Variants in PLCD4 observed in about 807,000 individuals in gnomAD.
The protein encoded by PLCD4 is 1-phosphatidylinositol 4,5-bisphosphate phosphodiesterase delta-4.
PLCD4 carries 63 observed loss-of-function variants against 90.2 expected under a neutral mutation model. That is an observed-to-expected ratio of 0.70 (90% confidence interval 0.57 to 0.86). PLCD4 has a LOEUF of 0.86. PLCD4 is among the 40% of genes least tolerant of loss of function. The pLI is 0.00. For synonymous variants in PLCD4, 294 were observed against 356.5 expected, an observed-to-expected ratio of 0.82 and a Z score of 1.97; for missense variants, 830 against 956.3, an observed-to-expected ratio of 0.87 and a Z score of 1.74.
chr2:218,622,542 C>T, intron 5 of PLCD4, 105 bp from the exon 6 acceptor site: 1 of 633,598 alleles, frequency 1.6e-6, no homozygotes, highest in Non-Finnish European at 2.6e-6. Flanking sequence ...TAAATATATA[C>T]ACCTACTATG....
At chr2:218,609,838 A>T (rs1293842124) in intron 1 of PLCD4, 1 of 152,270 alleles carries the variant, frequency 6.6e-6, no homozygotes, top group African/African-American at 2.4e-5. Flanking sequence ...CTCAAAGGAG[A>T]TGAGACTCAG....
At chr2:218,630,223 A>G (rs1696300053) in intron 8 of PLCD4, among the ~76,000 whole-genome samples, 1 of 152,226 alleles carries the variant, frequency 6.6e-6, no homozygotes, top group Non-Finnish European at 1.5e-5. Context: ...AACAAGTTCT[A>G]TCACCCTTCT....
chr2:218,618,864 C>G (rs1414361774), intron 4 of PLCD4, 57 bp downstream of exon 4: 9 of 1,487,436 alleles, frequency 6.1e-6, no homozygotes, highest in Non-Finnish European at 8.2e-6. Flanking sequence ...CCTGAAGGAG[C>G]CAGATGCAAC....
At position 218,625,130 on chromosome 2, in the gene PLCD4, AAAGAAAGAAAGAAAG is replaced by A. The variant is rs1483848208; in HGVS notation, c.772+2255_772+2269del. Among the ~76,000 whole-genome samples, 97 of 148,448 alleles carry A rather than the reference AAAGAAAGAAAGAAAG, an allele frequency of 6.5e-4. 1 individual carries two copies. The Middle Eastern group carries it at 0.014, about 21-fold the overall frequency. On this transcript the variant is annotated intron_variant, in intron 6 of 15. Transcript: ENST00000450993. Reference sequence around the variant, plus strand: ...ACTCTGTTTCAAAAAAAAAAAAAAAAAAGAAAGAAAGAAAGAAAAAAGAAATAGGATCTTTTGTTA... The same window carrying A: ...ACTCTGTTTCAAAAAAAAAAAAAAAAAAAAAAGAAATAGGATCTTTTGTTA...
intron 3 of PLCD4, among the ~76,000 whole-genome samples, chr2:218,618,365 C>T (rs563304261): frequency 9.2e-5 from 14 of 152,330 alleles, no homozygotes; most frequent in Non-Finnish European, 1.6e-4. Flanking sequence ...GGCCCTTTGC[C>T]ATGCTGCCTT....
At chr2:218,610,797 G>A (rs753322805) in intron 1 of PLCD4, among the ~76,000 whole-genome samples, 10 of 151,776 alleles carry the variant, frequency 6.6e-5, no homozygotes, top group Non-Finnish European at 1.0e-4. Context: ...GCGCCATCTC[G>A]GCTCACTGCA....
At position 218,616,045 on chromosome 2, in the gene PLCD4, G is replaced by T. The variant is rs1263164977; in HGVS notation, c.164G>T (p.Gly55Val). Residue 55 changes from glycine to valine, a missense_variant, in exon 3 of 16, where the codon GGC becomes GTC. Coordinates refer to ENST00000450993, the MANE Select transcript of PLCD4 (RefSeq NM_032726.4). ...GTCTGGCATGCACGGCAGGCCAGGGGCAGTGCCAAGCCCAGCTGTGAGTGA... is the reference window on the plus strand; with the variant it reads ...GTCTGGCATGCACGGCAGGCCAGGGTCAGTGCCAAGCCCAGCTGTGAGTGA... ...MTVWHARQAR[G>V]SAKPSFSISD... The T allele has an allele frequency of 6.2e-7, 1 of 1,613,454 alleles. No homozygotes were observed. Among genetic ancestry groups the T allele is most frequent in the Non-Finnish European group, 8.5e-7 (1 of 1,179,752 alleles).
chr2:218,633,838 C>T (rs1559277528), intron 11 of PLCD4, 77 bp downstream of exon 11: 4 of 1,528,660 alleles, frequency 2.6e-6, no homozygotes, highest in Non-Finnish European at 3.6e-6. Context: ...AGGTAAGTCC[C>T]AAGAAAAAAG....
chr2:218,621,057 G>T (rs1695852995), intron 4 of PLCD4, among the ~76,000 whole-genome samples: 1 of 152,232 alleles, frequency 6.6e-6, no homozygotes, highest in South Asian at 2.1e-4. Context: ...AGCCTCCCTA[G>T]TAGCTGGAAC....
At chr2:218,623,190 G>A (rs1008827562) in intron 6 of PLCD4, among the ~76,000 whole-genome samples, 12 of 152,066 alleles carry the variant, frequency 7.9e-5, no homozygotes, top group Non-Finnish European at 1.2e-4. Flanking sequence ...CTTTGCCCTC[G>A]CTGGAAACGG....
intron 3 of PLCD4, among the ~76,000 whole-genome samples, chr2:218,616,954 A>ATT (rs1321849848): frequency 1.2e-5 from 1 of 82,078 alleles, no homozygotes; most frequent in African/African-American, 4.9e-5. Flanking sequence ...AGAGAGAGAG[A>ATT]GAGAGAGAGA....
In PLCD4 at chr2:218,636,591, C is replaced by T. The variant is rs150976760; in HGVS notation, c.*14C>T. 5.0e-3 allele frequency: 8,058 copies of T among 1,611,804 alleles called. 63 individuals carry two copies. The highest frequency in any genetic ancestry group is 0.022 in the South Asian group (1,986 of 90,980). On this transcript the variant is annotated 3_prime_UTR_variant, in exon 16 of 16. Coordinates refer to ENST00000450993, the MANE Select transcript of PLCD4 (RefSeq NM_032726.4). ...GATGAGTCCTGAGGTGGGCATTTCACGGGAAGGGTTGGTGTGCTGGCTTTA... is the reference window on the plus strand; with the variant it reads ...GATGAGTCCTGAGGTGGGCATTTCATGGGAAGGGTTGGTGTGCTGGCTTTA...
At chr2:218,628,973 T>A (rs1327485901) in intron 7 of PLCD4, 1 of 154,270 alleles carries the variant, frequency 6.5e-6, no homozygotes, top group African/African-American at 2.4e-5. Flanking sequence ...TCCAGCACTT[T>A]GGGAGGCCGA....
chr2:218,616,071 C>A lies in PLCD4; in HGVS notation c.181+9C>A. 6.2e-7 allele frequency: 1 copy of A among 1,612,572 alleles called. No homozygotes were observed. The highest frequency in any genetic ancestry group is 8.5e-7 in the Non-Finnish European group (1 of 1,179,242). On this transcript the variant is annotated intron_variant, in intron 3 of 15. Coordinates refer to ENST00000450993, the MANE Select transcript of PLCD4 (RefSeq NM_032726.4). ...CAGTGCCAAGCCCAGCTGTGAGTGA[C>A]CTGGATAGTGGGGGGTGGATACATG... is the stretch of plus-strand genomic sequence containing the variant.
At chr2:218,625,114 C>CA (rs11325307) in intron 6 of PLCD4, among the ~76,000 whole-genome samples, 2,481 of 61,738 alleles carry the variant, frequency 0.04, 208 homozygotes, top group African/African-American at 0.13. Flanking sequence ...GACTCTGTTT[C>CA]AAAAAAAAAA....
chr2:218,633,113 T>G (rs543526829), intron 10 of PLCD4: 1 of 429,306 alleles, frequency 2.3e-6, no homozygotes, highest in African/African-American at 2.0e-5. Context: ...TCCAAAGATA[T>G]TACTCTGGGA....
At chr2:218,617,646 C>A (rs1695680164) in intron 3 of PLCD4, among the ~76,000 whole-genome samples, 1 of 151,902 alleles carries the variant, frequency 6.6e-6, no homozygotes, top group Non-Finnish European at 1.5e-5. Context: ...TTTATGATAA[C>A]AAGACATAAT....
chr2:218,632,571 C>T (rs999869278), intron 10 of PLCD4, among the ~76,000 whole-genome samples: 4 of 151,952 alleles, frequency 2.6e-5, no homozygotes, highest in African/African-American at 4.8e-5. Flanking sequence ...AATAGATAAA[C>T]GCAGAACCAT....
chr2:218,616,750 C>CATACATAT (rs1433351866), intron 3 of PLCD4, among the ~76,000 whole-genome samples: 2 of 149,434 alleles, frequency 1.3e-5, no homozygotes, highest in East Asian at 3.9e-4. Context: ...TACATACATA[C>CATACATAT]ATACATCAAG....
Sources: allele counts gnomAD v4.1 joint callset (sites outside exome capture counted in the v4.1 genomes callset), GRCh38; gene constraint gnomAD v4.1.1; transcripts MANE v1.5; gene names NCBI Gene and HGNC (gene_info 2026-07-23, HGNC 2026-07-21).